Variants in TAF3 observed in about 807,000 individuals in gnomAD.
TAF3 encodes the protein TATA-box binding protein associated factor 3.
In TAF3, 7 loss-of-function variants were observed where a neutral mutation model predicts 80.6. The ratio of observed to expected loss-of-function variants is 0.09; its 90% CI spans 0.05 to 0.16. The LOEUF (loss-of-function observed/expected upper bound fraction) is 0.16. Among genes scored for constraint, TAF3 ranks in the 10% least tolerant of loss-of-function variants. The pLI is 1.00. For missense variants in TAF3, 921 were observed against 1,140.2 expected, an observed-to-expected ratio of 0.81 and a Z score of 2.77; for synonymous variants, 444 against 446.1, an observed-to-expected ratio of 1.00 and a Z score of 0.06.
Position 7,965,653 on chromosome 10 carries a change from GAGAAGGAGA to G in TAF3, c.2155_2163del (p.Lys719_Lys721del), listed in dbSNP as rs757965266. ...GGAGAAGAAGAAAAAGAAGGAAAAA[GAGAAGGAGA>G]AGAAGGAGAAGGAAAGAGAGAAAGA... On this transcript the variant is annotated inframe_deletion, in exon 3 of 7. Transcript: ENST00000344293. 5 of 1,597,578 alleles carry G rather than the reference GAGAAGGAGA, an allele frequency of 3.1e-6. No individual in the cohort carries two copies. Among genetic ancestry groups the G allele is most frequent in the East Asian group, 2.3e-5 (1 of 44,396 alleles).
At chr10:7,983,052 GGC>G (rs1831741159) in intron 4 of TAF3, among the ~76,000 whole-genome samples, 1 of 151,640 alleles carries the variant, frequency 6.6e-6, no homozygotes, top group Admixed American at 6.5e-5. Context: ...ATGTGACTTC[GGC>G]GGGGCCACCT....
At chr10:7,955,469 G>A (rs1457684615) in intron 2 of TAF3, among the ~76,000 whole-genome samples, 2 of 152,124 alleles carry the variant, frequency 1.3e-5, no homozygotes, top group Non-Finnish European at 2.9e-5. Context: ...TTGTTCCTTT[G>A]CTTAAAGTTT....
At chr10:7,834,921 C>CT (rs1836836820) in intron 2 of TAF3, among the ~76,000 whole-genome samples, 1 of 152,220 alleles carries the variant, frequency 6.6e-6, no homozygotes, top group East Asian at 1.9e-4. Flanking sequence ...TACCTAATTT[C>CT]TGAGTTTTTT....
chr10:7,950,222 GTC>G (rs1179098194), intron 2 of TAF3, among the ~76,000 whole-genome samples: 1 of 152,136 alleles, frequency 6.6e-6, no homozygotes, highest in African/African-American at 2.4e-5. Context: ...CAGAGAATAT[GTC>G]TTTGAAAAGA....
rs778494419 is a variant in TAF3 at position 7,964,338 on chromosome 10, T to C, written c.828T>C (p.Thr276=). ...TTACACCTAAAACAAAGACTAAAAC[T>C]AGCTCTCCAGGACAGAAGACTAAAT... is the stretch of plus-strand genomic sequence containing the variant. ...KSFTPKTKTK[T]SSPGQKTKSP... is the part of the protein sequence containing the mutation. The change falls in exon 3 of 7, where the codon ACT becomes ACC. Residue 276 remains threonine (T), a synonymous_variant. Coordinates refer to ENST00000344293, the MANE Select transcript of TAF3 (RefSeq NM_031923.4). The surrounding 1 kb of genome is among the most constrained non-coding windows in gnomAD (Gnocchi z 4.1). 2 of 1,614,046 alleles carry C rather than the reference T, an allele frequency of 1.2e-6. No homozygotes were observed. Among genetic ancestry groups the C allele is most frequent in the East Asian group, 4.5e-5 (2 of 44,880 alleles).
intron 2 of TAF3, among the ~76,000 whole-genome samples, chr10:7,944,094 TG>T (rs1838001464): frequency 6.3e-5 from 1 of 15,902 alleles, no homozygotes; most frequent in Non-Finnish European, 1.7e-4. Flanking sequence ...TGTTCATGCT[TG>T]TGTGTGTGTG....
At chr10:7,925,813 G>GA (rs796312907) in intron 2 of TAF3, among the ~76,000 whole-genome samples, 12 of 132,550 alleles carry the variant, frequency 9.1e-5, no homozygotes, top group South Asian at 7.1e-4. Context: ...AAAAAAAAAA[G>GA]AAAAGAAAAG....
At chr10:7,936,755 C>T (rs1025493000) in intron 2 of TAF3, among the ~76,000 whole-genome samples, 7 of 151,274 alleles carry the variant, frequency 4.6e-5, no homozygotes, top group Non-Finnish European at 7.4e-5. Context: ...TTTGGACAAA[C>T]GTATAAAGAC....
chr10:7,879,888 G>T (rs1035233163), intron 2 of TAF3, among the ~76,000 whole-genome samples: 1 of 152,030 alleles, frequency 6.6e-6, no homozygotes. Context: ...TTATTTCCTA[G>T]TTTGGGAGAA....
chr10:7,913,896 A>G (rs1335844468), intron 2 of TAF3, among the ~76,000 whole-genome samples: 1 of 152,246 alleles, frequency 6.6e-6, no homozygotes, highest in Non-Finnish European at 1.5e-5. Flanking sequence ...ATACAGGAGG[A>G]GGGAAACAAC....
In TAF3 at chr10:7,884,182, A is replaced by C. The variant is rs1341264742; in HGVS notation, c.409+59622A>C. Among the ~76,000 whole-genome samples, 6 of 151,582 alleles carry C rather than the reference A, an allele frequency of 4.0e-5. No individual in the cohort carries two copies. The East Asian group carries it at 1.2e-3, about 30-fold the overall frequency. The stretch of plus-strand genomic sequence containing the variant: ...GAGGCAAACATTCAAACCGTAGCAT[A>C]CTCCTTTACTGTTATTATTTATTTC... On this transcript the variant is annotated intron_variant, in intron 2 of 6. Transcript: ENST00000344293.
intron 2 of TAF3, among the ~76,000 whole-genome samples, chr10:7,829,365 T>C: frequency 6.6e-6 from 1 of 152,198 alleles, no homozygotes; most frequent in East Asian, 1.9e-4. Flanking sequence ...TTCCTTAGTT[T>C]TTACTGGATG....
At chr10:7,953,772 T>C (rs1396994014) in intron 2 of TAF3, among the ~76,000 whole-genome samples, 23 of 152,058 alleles carry the variant, frequency 1.5e-4, no homozygotes, top group African/African-American at 5.1e-4. Flanking sequence ...AGAGTGCACA[T>C]CATAGGCAAA....
At chr10:7,943,276 G>A (rs263415) in intron 2 of TAF3, among the ~76,000 whole-genome samples, 46,097 of 151,958 alleles carry the variant, frequency 0.3, 7,170 homozygotes, top group African/African-American at 0.37. Context: ...TGGCTCCTAC[G>A]CATCACGTTC....
intron 2 of TAF3, among the ~76,000 whole-genome samples, chr10:7,854,480 T>C (rs1038117602): frequency 2.6e-5 from 4 of 152,166 alleles, no homozygotes; most frequent in African/African-American, 9.7e-5. Context: ...AAAGCTAACA[T>C]ATACAAAGCA....
In TAF3 at chr10:7,918,665, C is replaced by T. The variant is rs182947923; in HGVS notation, c.410-45255C>T. On this transcript the variant is annotated intron_variant, in intron 2 of 6. Transcript: ENST00000344293. ...TCAGGAAGGGGCAAGCTGGGACCTCCGACCCAGGCACTCAGCCTGAAGCTT... is the reference window on the plus strand; with the variant it reads ...TCAGGAAGGGGCAAGCTGGGACCTCTGACCCAGGCACTCAGCCTGAAGCTT... Among the ~76,000 whole-genome samples the T allele has an allele frequency of 2.3e-3, 350 of 152,202 alleles. 1 individual carries two copies. Among genetic ancestry groups the T allele is most frequent in the Non-Finnish European group, 3.7e-3 (250 of 68,012 alleles).
At chr10:7,917,357 G>A (rs528147317) in intron 2 of TAF3, among the ~76,000 whole-genome samples, 3 of 152,190 alleles carry the variant, frequency 2.0e-5, no homozygotes, top group Non-Finnish European at 2.9e-5. Context: ...TTTCAGGCAC[G>A]AGGAACAGCA....
chr10:7,921,147 A>G (rs1271626627), intron 2 of TAF3, among the ~76,000 whole-genome samples: 3 of 151,950 alleles, frequency 2.0e-5, no homozygotes, highest in Middle Eastern at 6.8e-3. Flanking sequence ...ATATTTCTTA[A>G]TTCTTCCTTG....
chr10:7,875,768 G>A (rs1057505281), intron 2 of TAF3, among the ~76,000 whole-genome samples: 5 of 152,112 alleles, frequency 3.3e-5, no homozygotes, highest in African/African-American at 1.2e-4. Context: ...AGAAAGAGGA[G>A]AAATCTTTAC....
Sources: gnomAD v4.1 joint callset for allele counts (sites outside exome capture counted in the v4.1 genomes callset) on GRCh38, gnomAD v4.1.1 for gene constraint, Gnocchi (gnomAD v3.1) non-coding constraint, MANE v1.5 for transcripts, NCBI Gene and HGNC (gene_info 2026-07-23, HGNC 2026-07-21) for gene names.